NELL1: variants seen among roughly 807,000 people sequenced by gnomAD.
The protein encoded by NELL1 is protein kinase C-binding protein NELL1.
In NELL1, 76 loss-of-function variants were observed where a neutral mutation model predicts 107.4. The observed-to-expected ratio is 0.71, with a 90% CI of 0.59 to 0.86. The LOEUF is 0.86. Among genes scored for constraint, NELL1 ranks in the 40% least tolerant of loss-of-function variants. NELL1 has a pLI of 0.00. For missense variants in NELL1, 1,024 were observed against 1,005.5 expected, an observed-to-expected ratio of 1.02 and a Z score of -0.25; for synonymous variants, 353 against 341.2, an observed-to-expected ratio of 1.03 and a Z score of -0.38.
intron 14 of NELL1, among the ~76,000 whole-genome samples, chr11:21,332,630 T>G (rs1279828343): frequency 6.6e-6 from 1 of 152,040 alleles, no homozygotes; most frequent in Non-Finnish European, 1.5e-5. Flanking sequence ...CTGTCTTTGA[T>G]TTTTGTGGCT....
At chr11:21,374,887 C>CTGTGTGTGTGTGTGTG (rs10566953) in intron 15 of NELL1, among the ~76,000 whole-genome samples, 3 of 143,756 alleles carry the variant, frequency 2.1e-5, no homozygotes, top group Non-Finnish European at 4.6e-5. Flanking sequence ...CTGTGTGTGT[C>CTGTGTGTGTGTGTGTG]TGTGTGTGTG....
chr11:21,032,634 C>T (rs1054269122), intron 12 of NELL1, among the ~76,000 whole-genome samples: 20 of 152,104 alleles, frequency 1.3e-4, no homozygotes, highest in Admixed American at 4.6e-4. Flanking sequence ...GTGATTCACC[C>T]GCCCCAGCCT....
At chr11:21,513,724 C>G (rs1261719874) in intron 15 of NELL1, among the ~76,000 whole-genome samples, 28 of 152,102 alleles carry the variant, frequency 1.8e-4, no homozygotes, top group Admixed American at 1.8e-3. Context: ...CAGGCATTAT[C>G]TAATTTAAGT....
chr11:21,338,224 T>C (rs1186999258), intron 14 of NELL1, among the ~76,000 whole-genome samples: 1 of 152,170 alleles, frequency 6.6e-6, no homozygotes, highest in African/African-American at 2.4e-5. Context: ...TGATTGAATA[T>C]TGTTCTACAC....
chr11:20,994,345 G>A (rs1419461275), intron 12 of NELL1, among the ~76,000 whole-genome samples: 1 of 152,180 alleles, frequency 6.6e-6, no homozygotes, highest in Non-Finnish European at 1.5e-5. Context: ...GAAATTTGAT[G>A]AATCTTATGT....
chr11:20,913,476 T>C (rs999777090), intron 5 of NELL1, among the ~76,000 whole-genome samples: 1 of 152,152 alleles, frequency 6.6e-6, no homozygotes, highest in Non-Finnish European at 1.5e-5. Context: ...GATAATTTTC[T>C]AATTTTTTAA....
rs576814338 is a variant in NELL1, at chr11:21,515,351, C to T, written c.1646-19023C>T. Among the ~76,000 whole-genome samples the T allele has an allele frequency of 2.0e-5, 3 of 152,224 alleles. No homozygotes were observed. The South Asian group carries it at 6.2e-4, about 32-fold the overall frequency. ...AGACATAGGAAAAGTAAAAGTTCAG[C>T]AGATGAAGAGGAAGCAGATATCATC... is the stretch of plus-strand genomic sequence containing the variant. On this transcript the variant is annotated intron_variant, in intron 15 of 19. Transcript: ENST00000357134.
At chr11:20,726,973 C>T (rs1294034762) in intron 2 of NELL1, among the ~76,000 whole-genome samples, 4 of 152,176 alleles carry the variant, frequency 2.6e-5, no homozygotes, top group Admixed American at 6.5e-5. Flanking sequence ...ATATGTGCCA[C>T]ATTTGCTTAA....
At chr11:21,538,351 C>A (rs557831159) in intron 16 of NELL1, among the ~76,000 whole-genome samples, 4 of 152,136 alleles carry the variant, frequency 2.6e-5, no homozygotes, top group African/African-American at 9.6e-5. Flanking sequence ...TGCAAGATTT[C>A]TTATTTTATG....
chr11:21,264,680 G>A (rs1848602669), intron 14 of NELL1, among the ~76,000 whole-genome samples: 1 of 151,734 alleles, frequency 6.6e-6, no homozygotes, highest in African/African-American at 2.4e-5. Context: ...TGAATTTGGG[G>A]CTAATTGAAA....
intron 12 of NELL1, among the ~76,000 whole-genome samples, chr11:21,072,068 AGAAG>A (rs1319120918): frequency 1.3e-5 from 2 of 152,148 alleles, no homozygotes; most frequent in African/African-American, 4.8e-5. Flanking sequence ...CAATATATGC[AGAAG>A]AGAATAAATT....
In NELL1 at chr11:21,220,522, A is replaced by G. The variant is rs374718690; in HGVS notation, c.1427-8810A>G. On this transcript the variant is annotated intron_variant, in intron 13 of 19. Coordinates refer to ENST00000357134, the MANE Select transcript of NELL1 (RefSeq NM_006157.5). ...ATTCATGAACATGGAATAGTTTTAC[A>G]TTTTTGTGTGTCCTCTTTAGTTTCT... Among the ~76,000 whole-genome samples, 20 of 152,044 alleles carry G rather than the reference A, an allele frequency of 1.3e-4. 1 individual carries two copies. The East Asian group carries it at 2.7e-3, about 21-fold the overall frequency.
intron 15 of NELL1, among the ~76,000 whole-genome samples, chr11:21,427,416 G>C (rs1015424768): frequency 5.9e-5 from 9 of 152,164 alleles, no homozygotes; most frequent in African/African-American, 2.4e-5. Flanking sequence ...CAATAATCCA[G>C]ATTTTTTACA....
At chr11:20,834,245 T>C (rs7924759) in intron 3 of NELL1, among the ~76,000 whole-genome samples, 21,904 of 152,208 alleles carry the variant, frequency 0.14, 2,129 homozygotes, top group East Asian at 0.33. Flanking sequence ...TAGAACTTGC[T>C]GATGGTGTGC....
chr11:21,406,959 A>G (rs1372080419), intron 15 of NELL1, among the ~76,000 whole-genome samples: 1 of 152,004 alleles, frequency 6.6e-6, no homozygotes, highest in Non-Finnish European at 1.5e-5. Context: ...TCATTAACCA[A>G]CCTCTCTTCA....
At chr11:21,566,487 T>G (rs1165478304) in intron 17 of NELL1, among the ~76,000 whole-genome samples, 7 of 151,938 alleles carry the variant, frequency 4.6e-5, no homozygotes, top group Non-Finnish European at 1.0e-4. Context: ...TTTATTTCCC[T>G]GCTTTTTAAA....
intron 4 of NELL1, among the ~76,000 whole-genome samples, chr11:20,853,139 C>A (rs1435638855): frequency 6.6e-6 from 1 of 152,192 alleles, no homozygotes; most frequent in Non-Finnish European, 1.5e-5. Context: ...GTTTATCTCA[C>A]AGGCATAACA....
intron 12 of NELL1, among the ~76,000 whole-genome samples, chr11:21,036,543 C>T (rs1853097237): frequency 1.3e-5 from 2 of 151,990 alleles, no homozygotes. Context: ...TTCCCATATT[C>T]TCTATTTTCT....
chr11:20,830,096 AC>A (rs1010263179), intron 3 of NELL1, among the ~76,000 whole-genome samples: 39 of 152,004 alleles, frequency 2.6e-4, no homozygotes, highest in Admixed American at 9.8e-4. Context: ...ACATGGTGAA[AC>A]CCTGTCTCTA....
Sources: allele counts gnomAD v4.1 joint callset (sites outside exome capture counted in the v4.1 genomes callset), GRCh38; gene constraint gnomAD v4.1.1; transcripts MANE v1.5; gene names NCBI Gene and HGNC (gene_info 2026-07-23, HGNC 2026-07-21).